LMO7: variants seen among roughly 807,000 people sequenced by gnomAD.
LMO7 encodes LIM domain only protein 7.
LMO7 carries 120 observed loss-of-function variants against 206.5 expected under a neutral mutation model. The ratio of observed to expected loss-of-function variants is 0.58; its 90% CI spans 0.50 to 0.68. LMO7 has a LOEUF of 0.68. Ranked by LOEUF, LMO7 falls within the 30% of genes least tolerant of loss-of-function variation. LMO7 has a pLI of 0.00. For synonymous variants in LMO7, 706 were observed against 681.5 expected (o/e 1.04, Z -0.56); for missense variants, 1,959 against 1,957.9 (o/e 1.00, Z -0.01).
chr13:75,724,273 G>T (rs2044271719), intron 2 of LMO7, among the ~76,000 whole-genome samples: 1 of 152,128 alleles, frequency 6.6e-6, no homozygotes, highest in Non-Finnish European at 1.5e-5. Flanking sequence ...TACCAAAAGA[G>T]CAAGCCTCTG....
intron 4 of LMO7, among the ~76,000 whole-genome samples, chr13:75,763,127 G>T (rs2048403527): frequency 6.6e-6 from 1 of 152,232 alleles, no homozygotes; most frequent in East Asian, 1.9e-4. Flanking sequence ...TAGATCAGTG[G>T]TTCTCAACTG....
At position 75,636,417 on chromosome 13, in the gene LMO7, G is replaced by A; in HGVS notation, c.-241G>A. 7.4e-7 allele frequency: 1 copy of A among 1,352,130 alleles called. No homozygotes were observed. The highest frequency in any genetic ancestry group is 1.5e-5 in the African/African-American group (1 of 65,574). The allele number at this position is 1,352,130 out of a possible 1,614,324, so 83.8% of individuals were successfully genotyped here. ...TGCCTGACTGCCCGGGTCCCCGCGG[G>A]CCTTGGGTCGCTTTCAGGAGTTTAG... is the stretch of plus-strand genomic sequence containing the variant. On this transcript the variant is annotated 5_prime_UTR_variant, in exon 1 of 31. Coordinates refer to ENST00000377534, the MANE Select transcript of LMO7 (RefSeq NM_001306080.2).
At chr13:75,737,791 A>AAAAAC (rs2046022657) in intron 3 of LMO7, among the ~76,000 whole-genome samples, 2 of 133,496 alleles carry the variant, frequency 1.5e-5, no homozygotes, top group African/African-American at 2.9e-5. Context: ...ATAAAAAAAA[A>AAAAAC]AAAAAAAAAA....
intron 14 of LMO7, among the ~76,000 whole-genome samples, chr13:75,822,137 G>A (rs1291707538): frequency 3.3e-5 from 5 of 152,110 alleles, no homozygotes; most frequent in Non-Finnish European, 7.4e-5. Flanking sequence ...TTAGAATATT[G>A]CAGCATTTTT....
At chr13:75,792,087 G>C (rs1057382685) in intron 4 of LMO7, among the ~76,000 whole-genome samples, 1 of 152,022 alleles carries the variant, frequency 6.6e-6, no homozygotes, top group Non-Finnish European at 1.5e-5. Flanking sequence ...TCTGCCCTCA[G>C]CCTCCCAAGT....
intron 4 of LMO7, among the ~76,000 whole-genome samples, chr13:75,787,120 C>T (rs1274133854): frequency 6.6e-6 from 1 of 152,064 alleles, no homozygotes; most frequent in African/African-American, 2.4e-5. Flanking sequence ...TTTATATAAC[C>T]GAATGTCATA....
chr13:75,792,232 T>G (rs2053409031), intron 4 of LMO7, among the ~76,000 whole-genome samples: 1 of 152,178 alleles, frequency 6.6e-6, no homozygotes. Context: ...TGTTCCAAAG[T>G]GCTGGGATTA....
chr13:75,638,363 G>A (rs2036182267), intron 1 of LMO7, among the ~76,000 whole-genome samples: 1 of 152,004 alleles, frequency 6.6e-6, no homozygotes, highest in East Asian at 1.9e-4. Context: ...AAATTTGTAT[G>A]TAATGAATGG....
chr13:75,629,237 T>C (rs1038257233), intron 2 of LMO7, among the ~76,000 whole-genome samples: 3 of 152,240 alleles, frequency 2.0e-5, no homozygotes, highest in Non-Finnish European at 4.4e-5. Context: ...TACTCTGCTG[T>C]TATCAATGCT....
chr13:75,642,014 A>G (rs1346532259), intron 1 of LMO7, among the ~76,000 whole-genome samples: 1 of 152,084 alleles, frequency 6.6e-6, no homozygotes, highest in Non-Finnish European at 1.5e-5. Flanking sequence ...GCATCTTTAT[A>G]TGGGAAATAA....
At chr13:75,758,003 A>G (rs1026683204) in intron 3 of LMO7, among the ~76,000 whole-genome samples, 1 of 152,128 alleles carries the variant, frequency 6.6e-6, no homozygotes, top group African/African-American at 2.4e-5. Flanking sequence ...TCTTTTGCAG[A>G]GAAAAATGAT....
intron 1 of LMO7, among the ~76,000 whole-genome samples, chr13:75,661,659 CAGG>C (rs762539386): frequency 2.0e-5 from 3 of 152,214 alleles, no homozygotes; most frequent in Non-Finnish European, 4.4e-5. Context: ...GCTGAGCACA[CAGG>C]AGGCGTGGAA....
rs1234022678 is a variant in LMO7 at position 75,819,848 on chromosome 13, C to G, written c.2207+313C>G. 2.0e-5 allele frequency among the ~76,000 whole-genome samples: 3 copies of G among 152,192 alleles called. No individual in the cohort carries two copies. In the East Asian group the frequency reaches 5.8e-4, roughly 29 times the overall value. ...GATGCAGGAAATACACTGCTTTTTA[C>G]TCTTAAGTGAATTAAGGAATGAGAT... On this transcript the variant is annotated intron_variant, in intron 13 of 30. Transcript: ENST00000377534.
rs1369487104 is a variant in LMO7 at position 75,819,501 on chromosome 13, A to G, written c.2173A>G (p.Ser725Gly). ...EKQALEKSKR[S>G]SKTFKEMLQD... is the part of the protein sequence containing the mutation. ...GCAGGCACTTGAGAAGTCTAAGAGA[A>G]GCTCTAAGACGTTTAAGGAAATGCT... is the stretch of plus-strand genomic sequence containing the variant. Residue 725 changes from serine to glycine, a missense_variant, in exon 13 of 31, where the codon AGC becomes GGC. By Grantham distance (56) the Ser-to-Gly change is moderately conservative. Coordinates refer to ENST00000377534, the MANE Select transcript of LMO7 (RefSeq NM_001306080.2). 6.2e-7 allele frequency: 1 copy of G among 1,610,846 alleles called. No individual in the cohort carries two copies. The highest frequency in any genetic ancestry group is 8.5e-7 in the Non-Finnish European group (1 of 1,179,164).
chr13:75,737,107 A>G (rs2045891189), intron 3 of LMO7, among the ~76,000 whole-genome samples: 1 of 152,180 alleles, frequency 6.6e-6, no homozygotes, highest in Non-Finnish European at 1.5e-5. Flanking sequence ...ACTAGTTATA[A>G]TGAGCTCATA....
At chr13:75,822,824 A>ATATATATATATATATAAT (rs1215461319) in intron 14 of LMO7, among the ~76,000 whole-genome samples, 1 of 67,112 alleles carries the variant, frequency 1.5e-5, no homozygotes, top group African/African-American at 4.8e-5. Context: ...ATATATAATA[A>ATATATATATATATATAAT]AATATATATA....
intron 3 of LMO7, among the ~76,000 whole-genome samples, chr13:75,739,198 C>T (rs961815506): frequency 2.0e-5 from 3 of 152,214 alleles, no homozygotes; most frequent in African/African-American, 7.2e-5. Context: ...TGATTACCTA[C>T]TCATGCTTTC....
intron 4 of LMO7, among the ~76,000 whole-genome samples, chr13:75,778,535 C>T (rs369083451): frequency 6.6e-6 from 1 of 152,198 alleles, no homozygotes; most frequent in Non-Finnish European, 1.5e-5. Context: ...CCCGGCCAAT[C>T]GAGTGCCTTT....
chr13:75,804,454 T>A lies in LMO7; in HGVS notation c.827T>A (p.Leu276Gln), dbSNP rs370677963. The change falls in exon 8 of 31, where the codon CTG becomes CAG. Residue 276 changes from leucine to glutamine, a missense_variant. By Grantham distance (113) the Leu-to-Gln change is moderately radical. Coordinates refer to ENST00000377534, the MANE Select transcript of LMO7 (RefSeq NM_001306080.2). ...SRQPSYVPAP[L>Q]RKKKPDKHED... ...CAGCCATCCTATGTACCAGCACCTC[T>A]GAGAAAGAAAAAGCCAGACAAACAT... 6.3e-5 allele frequency: 101 copies of A among 1,614,026 alleles called. No homozygotes were observed. Among genetic ancestry groups the A allele is most frequent in the Non-Finnish European group, 8.0e-5 (94 of 1,180,008 alleles).
Sources: allele counts gnomAD v4.1 joint callset (sites outside exome capture counted in the v4.1 genomes callset), GRCh38; gene constraint gnomAD v4.1.1; transcripts MANE v1.5; gene names NCBI Gene and HGNC (gene_info 2026-07-23, HGNC 2026-07-21).